The following SPTLC2 variants were observed in gnomAD, a reference collection of about 807,000 sequenced individuals.
SPTLC2 encodes the protein serine palmitoyltransferase 2.
SPTLC2 carries 21 observed loss-of-function variants against 62.0 expected under a neutral mutation model. The ratio of observed to expected loss-of-function variants is 0.34; its 90% CI spans 0.24 to 0.49. The LOEUF is 0.49. Among genes scored for constraint, SPTLC2 ranks in the 20% least tolerant of loss-of-function variants. The pLI is 0.99. For missense variants in SPTLC2, 511 were observed against 713.0 expected (o/e 0.72, Z 3.23); for synonymous variants, 261 against 261.8 (o/e 1.00, Z 0.03).
At chr14:77,520,803 T>C (rs1014366623) in intron 10 of SPTLC2, among the ~76,000 whole-genome samples, 1 of 152,206 alleles carries the variant, frequency 6.6e-6, no homozygotes, top group Non-Finnish European at 1.5e-5. Context: ...TAACACACTC[T>C]GATAAAACCT....
intron 9 of SPTLC2, among the ~76,000 whole-genome samples, chr14:77,541,644 C>T (rs1442665561): frequency 6.6e-6 from 1 of 152,136 alleles, no homozygotes; most frequent in African/African-American, 2.4e-5. Context: ...TTTCTTTGAA[C>T]AGCTCTAAAG....
At chr14:77,586,154 C>T (rs2140046808) in intron 2 of SPTLC2, among the ~76,000 whole-genome samples, 1 of 149,648 alleles carries the variant, frequency 6.7e-6, no homozygotes, top group African/African-American at 2.5e-5. Flanking sequence ...AGACTCACTG[C>T]AACATTCGCC....
At position 77,576,755 on chromosome 14, in the gene SPTLC2, G is replaced by A; in HGVS notation, c.631+12C>T. 1 of 1,614,114 alleles carries A rather than the reference G, an allele frequency of 6.2e-7. No individual in the cohort carries two copies. Among genetic ancestry groups the A allele is most frequent in the Non-Finnish European group, 8.5e-7 (1 of 1,180,028 alleles). ...CAAAAACAGCAGCTGGCCAAATACA[G>A]CTTTCACTTACCAATTTCCTGCCGA... On this transcript the variant is annotated intron_variant, in intron 4 of 11. Transcript: ENST00000216484.
At chr14:77,607,208 C>A (rs1354856475) in intron 1 of SPTLC2, among the ~76,000 whole-genome samples, 2 of 152,084 alleles carry the variant, frequency 1.3e-5, no homozygotes, top group African/African-American at 4.8e-5. Context: ...ATAAGCATTT[C>A]TCTTACAAAT....
At chr14:77,562,795 TA>T (rs2079622163) in intron 5 of SPTLC2, among the ~76,000 whole-genome samples, 2 of 152,228 alleles carry the variant, frequency 1.3e-5, no homozygotes, top group South Asian at 4.1e-4. Flanking sequence ...CATCCGTCTC[TA>T]AAACGTTTTG....
At chr14:77,534,872 C>G (rs1470685389) in intron 9 of SPTLC2, among the ~76,000 whole-genome samples, 1 of 152,052 alleles carries the variant, frequency 6.6e-6, no homozygotes, top group Non-Finnish European at 1.5e-5. Context: ...GGACAACAAA[C>G]AAAATTAATA....
chr14:77,526,446 A>G (rs2079409601), intron 9 of SPTLC2, among the ~76,000 whole-genome samples: 1 of 152,260 alleles, frequency 6.6e-6, no homozygotes, highest in South Asian at 2.1e-4. Context: ...CTTTTCAAAC[A>G]TAAATCTTTA....
At chr14:77,539,482 G>GC (rs2079488258) in intron 9 of SPTLC2, among the ~76,000 whole-genome samples, 1 of 84,656 alleles carries the variant, frequency 1.2e-5, no homozygotes, top group African/African-American at 4.1e-5. Flanking sequence ...ATCTTAAGAG[G>GC]CTTTTTTTTT....
At chr14:77,599,502 A>G (rs1035397880) in intron 1 of SPTLC2, among the ~76,000 whole-genome samples, 11 of 152,248 alleles carry the variant, frequency 7.2e-5, no homozygotes, top group Non-Finnish European at 1.6e-4. Flanking sequence ...TCAGTGTTAC[A>G]GACTGGAATA....
chr14:77,546,602 T>C (rs976060409), intron 9 of SPTLC2, among the ~76,000 whole-genome samples: 2 of 152,156 alleles, frequency 1.3e-5, no homozygotes, highest in African/African-American at 4.8e-5. Context: ...CCCGGGAATC[T>C]TACCCCTACC....
intron 2 of SPTLC2, among the ~76,000 whole-genome samples, chr14:77,588,527 C>CAA (rs35307713): frequency 2.6e-4 from 34 of 130,592 alleles, no homozygotes; most frequent in African/African-American, 8.9e-4. Flanking sequence ...CCTGTCTCTA[C>CAA]AAAAAAAAAA....
At chr14:77,537,636 G>A (rs548285000) in intron 9 of SPTLC2, among the ~76,000 whole-genome samples, 1 of 152,214 alleles carries the variant, frequency 6.6e-6, no homozygotes, top group South Asian at 2.1e-4. Context: ...TAAATATCTA[G>A]TACACAAAAA....
intron 9 of SPTLC2, among the ~76,000 whole-genome samples, chr14:77,550,372 C>A (rs61990765): frequency 1.3e-5 from 2 of 152,116 alleles, no homozygotes; most frequent in African/African-American, 4.8e-5. Flanking sequence ...GTCGGGAGTT[C>A]GAGACCAGCC....
intron 6 of SPTLC2, among the ~76,000 whole-genome samples, chr14:77,558,438 T>C (rs1049051946): frequency 2.6e-5 from 4 of 152,108 alleles, no homozygotes; most frequent in African/African-American, 4.8e-5. Context: ...GAAAACAATT[T>C]TGACAGAAAA....
rs1437933019 is a variant in SPTLC2, at chr14:77,535,916, G to C, written c.1304-14335C>G. ...AGATATTAAGGAAGCATGATCCATA[G>C]GCACTGGTGACTAAATACAGGGGAT... is the stretch of plus-strand genomic sequence containing the variant. On this transcript the variant is annotated intron_variant, in intron 9 of 11. Transcript: ENST00000216484. 3 of 453,240 alleles carry C rather than the reference G, an allele frequency of 6.6e-6. No homozygotes were observed. The Admixed American group carries it at 7.2e-5, about 11-fold the overall frequency. 28.1% of individuals were successfully genotyped at this position (453,240 alleles called of 1,614,324 possible). A position where few individuals can be genotyped will look rare whatever the true frequency, so the allele number is the denominator to read the frequency against.
intron 9 of SPTLC2, among the ~76,000 whole-genome samples, chr14:77,527,906 T>C (rs1033672736): frequency 6.6e-6 from 1 of 152,250 alleles, no homozygotes; most frequent in African/African-American, 2.4e-5. Context: ...GTTTAGCTGA[T>C]GAGCTTTTAT....
At chr14:77,541,040 T>C (rs779378118) in intron 9 of SPTLC2, among the ~76,000 whole-genome samples, 3 of 151,856 alleles carry the variant, frequency 2.0e-5, no homozygotes, top group Non-Finnish European at 2.9e-5. Flanking sequence ...TATTTATTTA[T>C]TTATTTATTT....
At chr14:77,580,955 C>T (rs1018363618) in intron 2 of SPTLC2, among the ~76,000 whole-genome samples, 4 of 152,194 alleles carry the variant, frequency 2.6e-5, no homozygotes, top group African/African-American at 7.2e-5. Flanking sequence ...TGTACTAAAA[C>T]TTAAGTCTGT....
intron 2 of SPTLC2, among the ~76,000 whole-genome samples, chr14:77,589,837 G>A (rs2079805813): frequency 1.3e-5 from 2 of 149,960 alleles, no homozygotes; most frequent in Non-Finnish European, 1.5e-5. Flanking sequence ...AATTAGCTGG[G>A]CGTGGTGGTG....
Sources: gnomAD v4.1 joint callset for allele counts (sites outside exome capture counted in the v4.1 genomes callset) on GRCh38, gnomAD v4.1.1 for gene constraint, MANE v1.5 for transcripts, NCBI Gene and HGNC (gene_info 2026-07-23, HGNC 2026-07-21) for gene names.